FANCC: variants seen among roughly 807,000 people sequenced by gnomAD.
The protein encoded by FANCC is FA complementation group C, also known as Fanconi anemia group C protein.
Under a neutral mutation model 71.3 loss-of-function variants are expected in FANCC, and 55 were observed. The ratio of observed to expected loss-of-function variants is 0.77; its 90% CI spans 0.62 to 0.97. The LOEUF is 0.97. Ranked by LOEUF, FANCC falls within the 50% of genes least tolerant of loss-of-function variation. The probability of loss-of-function intolerance (pLI) is 0.00; values close to 1 mark genes in which losing one functional copy is unlikely to be tolerated. For missense variants in FANCC, 678 were observed against 670.9 expected, an observed-to-expected ratio of 1.01 and a Z score of -0.12; for synonymous variants, 275 against 244.9, an observed-to-expected ratio of 1.12 and a Z score of -1.15.
intron 1 of FANCC, among the ~76,000 whole-genome samples, chr9:95,254,059 TG>T (rs1203860062): frequency 6.6e-6 from 1 of 152,146 alleles, no homozygotes; most frequent in African/African-American, 2.4e-5. Flanking sequence ...TACCGGTCTG[TG>T]GCCCGGGGCT....
At chr9:95,275,072 C>G (rs356662) in intron 1 of FANCC, among the ~76,000 whole-genome samples, 139,731 of 149,364 alleles carry the variant, frequency 0.94, 65,369 homozygotes, top group Middle Eastern at 0.98. Context: ...AGGAGTTTGA[C>G]ACCAGCCTAG....
rs2134367460 is a variant in FANCC at position 95,099,055 on chromosome 9, T to G, written c.*2652A>C. On this transcript the variant is annotated 3_prime_UTR_variant, in exon 15 of 15. Coordinates refer to ENST00000289081, the MANE Select transcript of FANCC (RefSeq NM_000136.3). ...TTGTAATATTTAATGGATACAACAT[T>G]AGGTGCAAACTGAAGTTTTATTTAG... 5.4e-6 allele frequency: 1 copy of G among 184,756 alleles called. No individual in the cohort carries two copies. Among genetic ancestry groups the G allele is most frequent in the South Asian group, 2.0e-4 (1 of 5,102 alleles). The allele number at this position is 184,756 out of a possible 1,614,324, so 11.4% of individuals were successfully genotyped here.
At chr9:95,229,770 T>TACAC (rs3030656) in intron 4 of FANCC, among the ~76,000 whole-genome samples, 137 of 148,422 alleles carry the variant, frequency 9.2e-4, no homozygotes, top group African/African-American at 3.0e-3. Context: ...TGCACACATG[T>TACAC]ACACACACAC....
At chr9:95,121,276 C>T (rs1408467928) in intron 10 of FANCC, among the ~76,000 whole-genome samples, 1 of 152,150 alleles carries the variant, frequency 6.6e-6, no homozygotes, top group Non-Finnish European at 1.5e-5. Flanking sequence ...TTTCTGCCTA[C>T]TGTCTGATAG....
chr9:95,302,173 T>C (rs180907370), intron 1 of FANCC, among the ~76,000 whole-genome samples: 2 of 152,230 alleles, frequency 1.3e-5, no homozygotes, highest in Admixed American at 1.3e-4. Flanking sequence ...TTTAATTTAA[T>C]GAATTTGTAA....
rs71366278 is a variant in FANCC, at chr9:95,191,327, C to CTT, written c.346-19182_346-19181dup. On this transcript the variant is annotated intron_variant, in intron 4 of 14. Coordinates refer to ENST00000289081, the MANE Select transcript of FANCC (RefSeq NM_000136.3). ...CCAGCCCCAGTCACCATCCTACTTC[C>CTT]TTTTTTTTTTTTTTTTTTTTTTTTT... Among the ~76,000 whole-genome samples the CTT allele has an allele frequency of 2.2e-3, 117 of 53,930 alleles. 2 individuals carry two copies. The highest frequency in any genetic ancestry group is 3.7e-3 in the East Asian group (5 of 1,348). 35.4% of individuals were successfully genotyped at this position (53,930 alleles called of 152,430 possible).
At chr9:95,244,678 C>CAA (rs576605250) in intron 3 of FANCC, among the ~76,000 whole-genome samples, 751 of 41,584 alleles carry the variant, frequency 0.018, 69 homozygotes, top group Non-Finnish European at 0.024. Flanking sequence ...GACTTTGTCT[C>CAA]AAAAAAAAAA....
chr9:95,184,364 C>A (rs1294891015), intron 4 of FANCC, among the ~76,000 whole-genome samples: 1 of 151,844 alleles, frequency 6.6e-6, no homozygotes, highest in South Asian at 2.1e-4. Context: ...TTATCACTTC[C>A]CCCTGCAAAC....
In FANCC at chr9:95,114,715, G is replaced by A. The variant is rs375613884; in HGVS notation, c.1073-5C>T. 4.2e-5 allele frequency: 67 copies of A among 1,613,578 alleles called. No homozygotes were observed. Among genetic ancestry groups the A allele is most frequent in the African/African-American group, 1.3e-4 (10 of 74,896 alleles). On this transcript the variant is annotated splice_polypyrimidine_tract_variant and splice_region_variant and intron_variant, in intron 11 of 14. Coordinates refer to ENST00000289081, the MANE Select transcript of FANCC (RefSeq NM_000136.3). The stretch of plus-strand genomic sequence containing the variant: ...GCCAGTGTCCCCGAGGGATATCTGC[G>A]GGTGGAGAGAGATACGTCAGAGGGC...
At chr9:95,158,689 G>A (rs1830578264) in intron 6 of FANCC, among the ~76,000 whole-genome samples, 1 of 152,226 alleles carries the variant, frequency 6.6e-6, no homozygotes, top group Non-Finnish European at 1.5e-5. Context: ...TATGGGAACT[G>A]CTTCTAAAGA....
rs190850132 is a variant in FANCC at position 95,201,496 on chromosome 9, T to A, written c.346-29349A>T. 5.3e-5 allele frequency among the ~76,000 whole-genome samples: 8 copies of A among 152,308 alleles called. 1 individual carries two copies. The East Asian group carries it at 1.3e-3, about 26-fold the overall frequency. ...TGGCAAGTCTTGAAGCCCACACTTATCCACACTCATGAAAAGTAATCACAA... is the reference window on the plus strand; with the variant it reads ...TGGCAAGTCTTGAAGCCCACACTTAACCACACTCATGAAAAGTAATCACAA... On this transcript the variant is annotated intron_variant, in intron 4 of 14. Transcript: ENST00000289081.
chr9:95,239,012 T>C (rs1830484732), intron 4 of FANCC, among the ~76,000 whole-genome samples: 1 of 152,186 alleles, frequency 6.6e-6, no homozygotes, highest in South Asian at 2.1e-4. Flanking sequence ...CACACTTAAG[T>C]ACCCACAGTT....
intron 6 of FANCC, among the ~76,000 whole-genome samples, chr9:95,169,918 C>T (rs1024067691): frequency 2.6e-5 from 4 of 152,162 alleles, no homozygotes; most frequent in African/African-American, 9.7e-5. Flanking sequence ...ATTTCTATAA[C>T]GGAGTGTTTG....
chr9:95,266,063 A>C (rs558471361), intron 1 of FANCC, among the ~76,000 whole-genome samples: 1 of 152,298 alleles, frequency 6.6e-6, no homozygotes, highest in East Asian at 1.9e-4. Context: ...AAGACATCAA[A>C]ATCAAATGCA....
chr9:95,312,683 A>G (rs1835479735), intron 1 of FANCC, among the ~76,000 whole-genome samples: 1 of 152,252 alleles, frequency 6.6e-6, no homozygotes, highest in South Asian at 2.1e-4. Flanking sequence ...ACAGGACTGG[A>G]GTAACAAGGT....
At chr9:95,234,963 G>A (rs1442008909) in intron 4 of FANCC, among the ~76,000 whole-genome samples, 1 of 152,178 alleles carries the variant, frequency 6.6e-6, no homozygotes, top group South Asian at 2.1e-4. Context: ...TGACTGGATA[G>A]GGCCCACCCG....
chr9:95,160,413 C>A (rs1230599912), intron 6 of FANCC, among the ~76,000 whole-genome samples: 2 of 152,086 alleles, frequency 1.3e-5, no homozygotes, highest in Non-Finnish European at 2.9e-5. Context: ...CAGTACCATG[C>A]TGTTTTGGTT....
chr9:95,124,965 CCTTT>C (rs1825749130), intron 10 of FANCC, 117 bp downstream of exon 10: 1 of 845,640 alleles, frequency 1.2e-6, no homozygotes. Context: ...TCATTAGGAA[CCTTT>C]CTTTGTGAGC....
intron 4 of FANCC, among the ~76,000 whole-genome samples, chr9:95,196,026 T>C (rs4744446): frequency 0.39 from 58,565 of 152,076 alleles, 11,885 homozygotes; most frequent in East Asian, 0.58. Flanking sequence ...GGTAGATTCT[T>C]TAAGATATTC....
Sources: allele counts gnomAD v4.1 joint callset (sites outside exome capture counted in the v4.1 genomes callset), GRCh38; gene constraint gnomAD v4.1.1; transcripts MANE v1.5; gene names NCBI Gene and HGNC (gene_info 2026-07-23, HGNC 2026-07-21).